Variants in CACNA2D1 observed in about 807,000 individuals in gnomAD.
CACNA2D1 encodes the protein calcium voltage-gated channel auxiliary subunit alpha2delta 1.
In CACNA2D1, 53 loss-of-function variants were observed where a neutral mutation model predicts 171.5. The ratio of observed to expected loss-of-function variants is 0.31; its 90% CI spans 0.25 to 0.39. The LOEUF (loss-of-function observed/expected upper bound fraction) is 0.39, where lower values mean the gene tolerates loss of function less well. Ranked by LOEUF, CACNA2D1 falls within the 10% of genes least tolerant of loss-of-function variation. The pLI is 1.00. For missense variants in CACNA2D1, 903 were observed against 1,299.8 expected (o/e 0.69, Z 4.69); for synonymous variants, 442 against 443.1 (o/e 1.00, Z 0.03).
At chr7:82,180,623 C>G (rs560606496) in intron 3 of CACNA2D1, among the ~76,000 whole-genome samples, 2 of 152,130 alleles carry the variant, frequency 1.3e-5, no homozygotes, top group South Asian at 2.1e-4. Flanking sequence ...GAAAGCCACT[C>G]TCTAGGAGAG....
intron 6 of CACNA2D1, among the ~76,000 whole-genome samples, chr7:82,109,610 AT>A (rs1187719537): frequency 1.3e-5 from 2 of 151,966 alleles, no homozygotes; most frequent in South Asian, 2.1e-4. Flanking sequence ...AAATAAAAAA[AT>A]ATTTTTTGGA....
chr7:82,224,120 A>G (rs7804929), intron 3 of CACNA2D1, among the ~76,000 whole-genome samples: 4,534 of 152,134 alleles, frequency 0.03, 216 homozygotes, highest in African/African-American at 0.1. Context: ...ATTCACTACT[A>G]TTTGCCCAAG....
intron 4 of CACNA2D1, among the ~76,000 whole-genome samples, chr7:82,155,524 T>C (rs1338979788): frequency 6.6e-6 from 1 of 152,148 alleles, no homozygotes; most frequent in Non-Finnish European, 1.5e-5. Flanking sequence ...TAAATAAATA[T>C]ATTTATAAAC....
At chr7:81,956,948 CTAGA>C (rs914217319) in intron 38 of CACNA2D1, among the ~76,000 whole-genome samples, 2 of 151,876 alleles carry the variant, frequency 1.3e-5, no homozygotes, top group Non-Finnish European at 2.9e-5. Flanking sequence ...TAATTTTGGG[CTAGA>C]TAATGTATAT....
At chr7:82,194,320 T>G (rs1432953199) in intron 3 of CACNA2D1, among the ~76,000 whole-genome samples, 1 of 151,966 alleles carries the variant, frequency 6.6e-6, no homozygotes, top group Non-Finnish European at 1.5e-5. Context: ...TTTTGCTTTG[T>G]GCCAAAAATG....
At chr7:82,119,872 C>T (rs1789508802) in intron 5 of CACNA2D1, among the ~76,000 whole-genome samples, 1 of 152,122 alleles carries the variant, frequency 6.6e-6, no homozygotes, top group South Asian at 2.1e-4. Context: ...TTCTATCTCA[C>T]TAGTAAAGGA....
At chr7:82,093,429 CAAGT>C (rs1811470503) in intron 6 of CACNA2D1, among the ~76,000 whole-genome samples, 1 of 151,798 alleles carries the variant, frequency 6.6e-6, no homozygotes, top group Non-Finnish European at 1.5e-5. Context: ...TCCTAAAATC[CAAGT>C]ATGAGTGACT....
intron 32 of CACNA2D1, 120 bp from the exon 33 acceptor site, chr7:81,964,479 C>A: frequency 2.6e-6 from 2 of 755,994 alleles, no homozygotes; most frequent in East Asian, 5.3e-5. Context: ...AACTGAGGAG[C>A]TTAAAAACAA....
intron 3 of CACNA2D1, among the ~76,000 whole-genome samples, chr7:82,271,409 A>G (rs1808619574): frequency 6.6e-6 from 1 of 152,050 alleles, no homozygotes; most frequent in South Asian, 2.1e-4. Flanking sequence ...TATCATCTAA[A>G]TATATAGTTA....
At chr7:82,020,421 G>A (rs1035465608) in intron 12 of CACNA2D1, among the ~76,000 whole-genome samples, 1 of 152,054 alleles carries the variant, frequency 6.6e-6, no homozygotes, top group Non-Finnish European at 1.5e-5. Flanking sequence ...TCCAAAATGG[G>A]GGTGATGGTG....
intron 12 of CACNA2D1, among the ~76,000 whole-genome samples, chr7:82,031,777 C>T (rs1802731225): frequency 6.6e-6 from 1 of 151,906 alleles, no homozygotes; most frequent in African/African-American, 2.4e-5. Context: ...CGCTTTTCAA[C>T]ACCCAATCCA....
At chr7:82,170,427 T>C in intron 4 of CACNA2D1, 123 bp downstream of exon 4, 3 of 877,696 alleles carry the variant, frequency 3.4e-6, no homozygotes, top group Non-Finnish European at 1.9e-6. Flanking sequence ...GCAACAAGTA[T>C]GATTATTTTT....
intron 4 of CACNA2D1, among the ~76,000 whole-genome samples, chr7:82,162,198 GAAAATGTGA>G (rs991443530): frequency 1.3e-5 from 2 of 151,928 alleles, no homozygotes; most frequent in African/African-American, 4.8e-5. Flanking sequence ...GAGTAAAGGT[GAAAATGTGA>G]AAAATGCAGA....
At chr7:82,116,522 A>G (rs1789060641) in intron 6 of CACNA2D1, among the ~76,000 whole-genome samples, 1 of 152,154 alleles carries the variant, frequency 6.6e-6, no homozygotes. Flanking sequence ...GAAGCCCACA[A>G]TACATTGAGA....
Position 81,951,969 on chromosome 7 carries a change from G to GTTTTTTTTTTTTTTTTT in CACNA2D1, c.3160-1478_3160-1462dup, listed in dbSNP as rs774805421. On this transcript the variant is annotated intron_variant, in intron 38 of 38. Transcript: ENST00000356860. ...CATTCCCACCAGCAGTGTACAAAGTGTTTTTTTTTTTTTTTTTTTTTTAAC... is the reference window on the plus strand; with the variant it reads ...CATTCCCACCAGCAGTGTACAAAGTGTTTTTTTTTTTTTTTTTTTTTTTTTTTTTTTTTTTTTTTAAC... 6.1e-4 allele frequency among the ~76,000 whole-genome samples: 44 copies of GTTTTTTTTTTTTTTTTT among 71,902 alleles called. 2 individuals carry two copies. Among genetic ancestry groups the GTTTTTTTTTTTTTTTTT allele is most frequent in the African/African-American group, 1.8e-3 (29 of 16,494 alleles). The allele number at this position is 71,902 out of a possible 152,430, so 47.2% of individuals were successfully genotyped here. A position where few individuals can be genotyped will look rare whatever the true frequency, so the allele number is the denominator to read the frequency against.
intron 4 of CACNA2D1, among the ~76,000 whole-genome samples, chr7:82,139,487 C>A (rs954903911): frequency 5.3e-5 from 8 of 152,186 alleles, no homozygotes; most frequent in South Asian, 4.1e-4. Flanking sequence ...TCTACAAAAT[C>A]TGTTACTTAT....
intron 38 of CACNA2D1, among the ~76,000 whole-genome samples, chr7:81,953,867 T>C (rs1324686900): frequency 1.3e-5 from 2 of 152,136 alleles, no homozygotes; most frequent in African/African-American, 4.8e-5. Flanking sequence ...TTGGCCCTTA[T>C]TTCACTGTTT....
At chr7:81,988,832 C>A (rs903719090) in intron 21 of CACNA2D1, among the ~76,000 whole-genome samples, 13 of 152,150 alleles carry the variant, frequency 8.5e-5, no homozygotes, top group Admixed American at 6.6e-4. Context: ...AAGCAGGGAA[C>A]AATCCCTGCC....
intron 8 of CACNA2D1, among the ~76,000 whole-genome samples, chr7:82,065,117 T>TA (rs1313965911): frequency 2.0e-5 from 3 of 151,768 alleles, no homozygotes; most frequent in Admixed American, 2.0e-4. Flanking sequence ...TGACATCAAT[T>TA]TTTTTACTTA....
Sources: gnomAD v4.1 joint callset for allele counts (sites outside exome capture counted in the v4.1 genomes callset) on GRCh38, gnomAD v4.1.1 for gene constraint, MANE v1.5 for transcripts, NCBI Gene and HGNC (gene_info 2026-07-23, HGNC 2026-07-21) for gene names.